ZFAT: variants seen among roughly 807,000 people sequenced by gnomAD.
ZFAT encodes zinc finger and AT-hook domain containing.
Under a neutral mutation model 117.7 loss-of-function variants are expected in ZFAT, and 64 were observed. The observed-to-expected ratio is 0.54, with a 90% confidence interval of 0.44 to 0.67. The LOEUF is 0.67. Ranked by LOEUF, ZFAT falls within the 30% of genes least tolerant of loss-of-function variation. ZFAT has a pLI of 0.00. For synonymous variants in ZFAT, 679 were observed against 615.0 expected, an observed-to-expected ratio of 1.10 and a Z score of -1.54; for missense variants, 1,433 against 1,584.5, an observed-to-expected ratio of 0.90 and a Z score of 1.62.
rs1434389838 is a variant in ZFAT, at chr8:134,563,282, C to T, written c.2976+2051G>A. Among the ~76,000 whole-genome samples the T allele has an allele frequency of 2.6e-5, 4 of 152,242 alleles. No individual in the cohort carries two copies. The East Asian group carries it at 7.7e-4, about 29-fold the overall frequency. On this transcript the variant is annotated intron_variant, in intron 11 of 15. Coordinates refer to ENST00000377838, the MANE Select transcript of ZFAT (RefSeq NM_020863.4). ...CAGCTATACAAGCAACACCTTTCAA[C>T]ATCCTTAGTTTCTCCAATTTCTCCC...
chr8:134,504,379 CCTT>C (rs1819236166), intron 15 of ZFAT, among the ~76,000 whole-genome samples: 1 of 152,126 alleles, frequency 6.6e-6, no homozygotes, highest in Non-Finnish European at 1.5e-5. Context: ...ATCATCCTGA[CCTT>C]CTTAAAAAGA....
At chr8:134,789,910 T>C in the ZFAT span, among the ~76,000 whole-genome samples, 2 of 152,324 alleles carry the variant, frequency 1.3e-5, no homozygotes, top group East Asian at 3.9e-4. Flanking sequence ...ACATAACTTA[T>C]GTAAAGTCAT....
chr8:134,656,436 C>T (rs1831608343), intron 2 of ZFAT, among the ~76,000 whole-genome samples: 2 of 152,186 alleles, frequency 1.3e-5, no homozygotes, highest in Admixed American at 6.5e-5. Context: ...ATTCACCCAC[C>T]ACTAGCTTCG....
At chr8:134,696,920 A>ATTTT (rs35879552) in intron 1 of ZFAT, among the ~76,000 whole-genome samples, 3 of 144,700 alleles carry the variant, frequency 2.1e-5, no homozygotes, top group Admixed American at 6.9e-5. Context: ...TAATCCAACA[A>ATTTT]TTTTTTTTTT....
Position 134,610,615 on chromosome 8 carries a change from T to C in ZFAT, c.489A>G (p.Glu163=), listed in dbSNP as rs948348596. ...SDLELEKKCK[E]DDREKASKRP... ...TTTTCGAGGCTTTTTCCCGATCATCTTCCTTACACTTCTTTTCTAGTTCAA... is the reference window on the plus strand; with the variant it reads ...TTTTCGAGGCTTTTTCCCGATCATCCTCCTTACACTTCTTTTCTAGTTCAA... Residue 163 remains glutamate, a synonymous_variant, in exon 4 of 16, where the codon GAA becomes GAG. Transcript: ENST00000377838. 3.7e-6 allele frequency: 6 copies of C among 1,614,132 alleles called. No homozygotes were observed. Among genetic ancestry groups the C allele is most frequent in the Non-Finnish European group, 8.5e-7 (1 of 1,180,062 alleles).
intron 10 of ZFAT, among the ~76,000 whole-genome samples, chr8:134,576,501 G>A (rs1241292973): frequency 6.6e-6 from 1 of 152,144 alleles, no homozygotes; most frequent in East Asian, 1.9e-4. Context: ...AAGGGAAAAG[G>A]ATGCAGTGGA....
the ZFAT span, among the ~76,000 whole-genome samples, chr8:134,745,586 T>C: frequency 2.0e-5 from 3 of 152,310 alleles, no homozygotes; most frequent in Admixed American, 2.0e-4. Context: ...TAGCAAAAAG[T>C]GCCGTGGACT....
the ZFAT span, among the ~76,000 whole-genome samples, chr8:134,823,589 T>C: frequency 6.6e-6 from 1 of 152,076 alleles, no homozygotes; most frequent in African/African-American, 2.4e-5. Flanking sequence ...GACAGGAGAG[T>C]GATAGGAATT....
At chr8:134,554,545 C>T (rs1372660) in intron 11 of ZFAT, among the ~76,000 whole-genome samples, 1 of 151,734 alleles carries the variant, frequency 6.6e-6, no homozygotes, top group Non-Finnish European at 1.5e-5. Context: ...CTGAAGCTGG[C>T]GCCAGAGATG....
intron 1 of ZFAT, among the ~76,000 whole-genome samples, chr8:134,671,371 C>A (rs950340248): frequency 1.3e-5 from 2 of 152,264 alleles, no homozygotes; most frequent in Admixed American, 1.3e-4. Context: ...ACTGGCAAAC[C>A]GAATCCGGCA....
chr8:134,483,293 C>A (rs1817446497), intron 15 of ZFAT, among the ~76,000 whole-genome samples: 1 of 152,116 alleles, frequency 6.6e-6, no homozygotes, highest in East Asian at 1.9e-4. Flanking sequence ...GACACTGAAG[C>A]TCCTCCTGGC....
the ZFAT span, among the ~76,000 whole-genome samples, chr8:134,724,868 C>T: frequency 6.6e-6 from 1 of 152,142 alleles, no homozygotes; most frequent in African/African-American, 2.4e-5. Context: ...AAGCGCTTCT[C>T]CCTTTGCGAA....
Position 134,655,163 on chromosome 8 carries a change from C to T in ZFAT, c.196+2398G>A, listed in dbSNP as rs75685273. On this transcript the variant is annotated intron_variant, in intron 2 of 15. Coordinates refer to ENST00000377838, the MANE Select transcript of ZFAT (RefSeq NM_020863.4). Reference sequence around the variant, plus strand: ...AGAGGGAGGAGAGGGGCATGGGGGACGGTTGAGAGGGAGGTGAATCTCCGG... The same window carrying T: ...AGAGGGAGGAGAGGGGCATGGGGGATGGTTGAGAGGGAGGTGAATCTCCGG... Among the ~76,000 whole-genome samples, 550 of 152,118 alleles carry T rather than the reference C, an allele frequency of 3.6e-3. 3 individuals carry two copies. Among genetic ancestry groups the T allele is most frequent in the African/African-American group, 0.013 (526 of 41,510 alleles).
At chr8:134,529,881 C>A (rs1419430831) in intron 12 of ZFAT, among the ~76,000 whole-genome samples, 2 of 152,226 alleles carry the variant, frequency 1.3e-5, no homozygotes, top group African/African-American at 4.8e-5. Flanking sequence ...TGGGAACACA[C>A]TGTAAACCAC....
Position 134,509,936 on chromosome 8 carries a change from A to C in ZFAT, c.3362-187T>G, listed in dbSNP as rs145482338. ...CTTTATAGCTTACAAAGCATTTTCT[A>C]TAAGAACATCTCAAAACCCCAAGCA... On this transcript the variant is annotated intron_variant, in intron 14 of 15. Transcript: ENST00000377838. 1.8e-5 allele frequency: 13 copies of C among 709,804 alleles called. No individual in the cohort carries two copies. In the African/African-American group the frequency reaches 2.3e-4, roughly 13 times the overall value. The allele number at this position is 709,804 out of a possible 1,614,324, so 44.0% of individuals were successfully genotyped here.
intron 1 of ZFAT, among the ~76,000 whole-genome samples, chr8:134,695,347 C>T (rs74615060): frequency 4.6e-5 from 7 of 152,182 alleles, no homozygotes; most frequent in African/African-American, 1.7e-4. Flanking sequence ...AAGGCAAGAG[C>T]CACTCCCCGG....
At chr8:134,800,229 TTGAG>T in the ZFAT span, among the ~76,000 whole-genome samples, 2 of 151,080 alleles carry the variant, frequency 1.3e-5, no homozygotes, top group Non-Finnish European at 2.9e-5. Context: ...AAAATTTAAA[TTGAG>T]TAACAAATTT....
chr8:134,650,169 C>A (rs1041936163), intron 2 of ZFAT, among the ~76,000 whole-genome samples: 6 of 150,298 alleles, frequency 4.0e-5, no homozygotes, highest in African/African-American at 1.5e-4. Flanking sequence ...GTCACCCAGG[C>A]TGGAGTGTAG....
Position 134,512,535 on chromosome 8 carries a change from C to G in ZFAT, c.3301G>C (p.Val1101Leu). Residue 1101 changes from valine (V) to leucine (L), a missense_variant, in exon 14 of 16, where the codon GTT becomes CTT. Val to Leu is a conservative substitution (Grantham distance 32, BLOSUM62 1). Transcript: ENST00000377838. ...GCCACCGCTGCCTGTGTCCCTTGAA[C>G]GTCTTCTTCGGCCTCTGTGATGTGG... The part of the protein sequence containing the change: ...YLHITEAEED[V>L]QGTQAAVAAL... The G allele has an allele frequency of 6.2e-7, 1 of 1,613,998 alleles. No homozygotes were observed.
Sources: gnomAD v4.1 joint callset for allele counts (sites outside exome capture counted in the v4.1 genomes callset) on GRCh38, gnomAD v4.1.1 for gene constraint, MANE v1.5 for transcripts, NCBI Gene and HGNC (gene_info 2026-07-23, HGNC 2026-07-21) for gene names.